The following MKLN1 variants were observed in gnomAD, a reference collection of about 807,000 sequenced individuals.
MKLN1 encodes muskelin 1.
In MKLN1, 18 loss-of-function variants were observed where a neutral mutation model predicts 99.0. The observed-to-expected ratio is 0.18, with a 90% CI of 0.13 to 0.27. MKLN1 has a LOEUF of 0.27. Among genes scored for constraint, MKLN1 ranks in the 10% least tolerant of loss-of-function variants. The probability of loss-of-function intolerance (pLI) is 1.00; values close to 1 mark genes in which losing one functional copy is unlikely to be tolerated. For missense variants in MKLN1, 621 were observed against 875.9 expected, an observed-to-expected ratio of 0.71 and a Z score of 3.67; for synonymous variants, 288 against 293.2, an observed-to-expected ratio of 0.98 and a Z score of 0.18.
chr7:131,252,656 T>A (rs1481360223), intron 3 of MKLN1, among the ~76,000 whole-genome samples: 1 of 152,116 alleles, frequency 6.6e-6, no homozygotes, highest in African/African-American at 2.4e-5. Flanking sequence ...CAGTATAGTG[T>A]TCCTGGGAAC....
intron 2 of MKLN1, among the ~76,000 whole-genome samples, chr7:131,379,892 A>G (rs1442579810): frequency 2.6e-5 from 4 of 152,190 alleles, no homozygotes; most frequent in African/African-American, 9.7e-5. Context: ...TCAGAAGACT[A>G]TGGGAATCTA....
At chr7:131,114,028 G>C (rs1198113880) in intron 1 of MKLN1, among the ~76,000 whole-genome samples, 1 of 152,188 alleles carries the variant, frequency 6.6e-6, no homozygotes, top group Admixed American at 6.5e-5. Context: ...ATGGGACACA[G>C]AGCCAAACCA....
At chr7:131,168,564 G>A (rs1249808385) in intron 2 of MKLN1, among the ~76,000 whole-genome samples, 4 of 151,948 alleles carry the variant, frequency 2.6e-5, no homozygotes, top group Non-Finnish European at 5.9e-5. Flanking sequence ...TCTCTGTAGC[G>A]CTTACCACCA....
chr7:131,401,430 G>A (rs555704438), intron 6 of MKLN1, among the ~76,000 whole-genome samples: 24 of 152,280 alleles, frequency 1.6e-4, no homozygotes, highest in Admixed American at 5.9e-4. Flanking sequence ...AGATTGTACT[G>A]AAATCCACCC....
At chr7:131,343,350 T>G (rs1799464234) in intron 1 of MKLN1, among the ~76,000 whole-genome samples, 1 of 152,226 alleles carries the variant, frequency 6.6e-6, no homozygotes, top group Non-Finnish European at 1.5e-5. Context: ...ATGTACTTCT[T>G]TCTTAGACTT....
chr7:131,401,701 G>A (rs189927297), intron 6 of MKLN1, among the ~76,000 whole-genome samples: 3 of 152,208 alleles, frequency 2.0e-5, no homozygotes, highest in African/African-American at 7.2e-5. Flanking sequence ...GACCACTGCA[G>A]TGAAGTGAAT....
At chr7:131,467,347 A>T (rs1796693181) in intron 15 of MKLN1, among the ~76,000 whole-genome samples, 1 of 152,208 alleles carries the variant, frequency 6.6e-6, no homozygotes, top group Admixed American at 6.5e-5. Context: ...AAACATAATA[A>T]GGAATTTATA....
chr7:131,177,346 T>A (rs914747175), intron 2 of MKLN1, among the ~76,000 whole-genome samples: 1 of 149,704 alleles, frequency 6.7e-6, no homozygotes, highest in African/African-American at 2.5e-5. Flanking sequence ...CGCGTGCCTG[T>A]AGTCCCAGGT....
At chr7:131,213,745 T>C (rs1459686178) in intron 3 of MKLN1, among the ~76,000 whole-genome samples, 11 of 152,260 alleles carry the variant, frequency 7.2e-5, no homozygotes, top group Admixed American at 7.2e-4. Context: ...ATTTTGCTAA[T>C]TTTTGGCATT....
chr7:131,464,978 CAG>C (rs1253619553), intron 14 of MKLN1, among the ~76,000 whole-genome samples: 1 of 152,026 alleles, frequency 6.6e-6, no homozygotes, highest in Non-Finnish European at 1.5e-5. Flanking sequence ...AAATTACTGA[CAG>C]AGACCAATTC....
At chr7:131,168,343 T>C (rs1427834257) in intron 2 of MKLN1, among the ~76,000 whole-genome samples, 4 of 152,152 alleles carry the variant, frequency 2.6e-5, no homozygotes, top group Non-Finnish European at 5.9e-5. Flanking sequence ...TCTTCCTGTA[T>C]AATTTTAGGC....
intron 1 of MKLN1, among the ~76,000 whole-genome samples, chr7:131,371,087 C>T (rs1793435261): frequency 6.6e-6 from 1 of 151,898 alleles, no homozygotes; most frequent in Admixed American, 6.6e-5. Flanking sequence ...GTACTGTATC[C>T]TTTGGTGGGT....
intron 3 of MKLN1, among the ~76,000 whole-genome samples, chr7:131,278,618 AC>A (rs1322526517): frequency 2.6e-5 from 4 of 151,538 alleles, no homozygotes; most frequent in African/African-American, 9.7e-5. Context: ...TCTACTATGA[AC>A]TTTTTTTTTT....
At chr7:131,142,332 A>G (rs1166276448) in intron 1 of MKLN1, among the ~76,000 whole-genome samples, 1 of 151,960 alleles carries the variant, frequency 6.6e-6, no homozygotes, top group Non-Finnish European at 1.5e-5. Context: ...AATCGCTTGA[A>G]TCTGGGAGGC....
chr7:131,321,689 C>A (rs1798779038), intron 3 of MKLN1, among the ~76,000 whole-genome samples: 1 of 152,004 alleles, frequency 6.6e-6, no homozygotes. Context: ...AACAAACAAA[C>A]AAAAAACAAA....
At chr7:131,207,389 G>C (rs1471619136) in intron 3 of MKLN1, among the ~76,000 whole-genome samples, 2 of 151,952 alleles carry the variant, frequency 1.3e-5, no homozygotes, top group African/African-American at 4.8e-5. Flanking sequence ...GTAGAGACAG[G>C]GTTTCGTCAT....
intron 8 of MKLN1, among the ~76,000 whole-genome samples, chr7:131,417,206 C>G (rs1213568136): frequency 1.3e-5 from 2 of 152,016 alleles, no homozygotes; most frequent in Non-Finnish European, 2.9e-5. Context: ...ATCCACACTT[C>G]AATATTGACA....
chr7:131,289,976 A>G (rs1397405026), intron 3 of MKLN1, among the ~76,000 whole-genome samples: 3 of 152,156 alleles, frequency 2.0e-5, no homozygotes, highest in Non-Finnish European at 4.4e-5. Context: ...TCTTTGCCCA[A>G]ATATTGTCTT....
At chr7:131,328,094 G>A in intron 1 of MKLN1, 97 bp downstream of exon 1, 2 of 1,455,872 alleles carry the variant, frequency 1.4e-6, no homozygotes, top group African/African-American at 1.4e-5. Context: ...GAGAGGCCCA[G>A]GCGGGGCCTG....
Sources: gnomAD v4.1 joint callset for allele counts (sites outside exome capture counted in the v4.1 genomes callset) on GRCh38, gnomAD v4.1.1 for gene constraint, MANE v1.5 for transcripts, NCBI Gene and HGNC (gene_info 2026-07-23, HGNC 2026-07-21) for gene names.